TBCE: variants seen among roughly 807,000 people sequenced by gnomAD.
TBCE encodes tubulin folding cofactor E.
In TBCE, 53 loss-of-function variants were observed where a neutral mutation model predicts 77.0. The ratio of observed to expected loss-of-function variants is 0.69; its 90% CI spans 0.55 to 0.87. TBCE has a LOEUF of 0.87. Ranked by LOEUF, TBCE falls within the 40% of genes least tolerant of loss-of-function variation. The probability of loss-of-function intolerance (pLI) is 0.00; values close to 1 mark genes in which losing one functional copy is unlikely to be tolerated. For synonymous variants in TBCE, 235 were observed against 241.3 expected, an observed-to-expected ratio of 0.97 and a Z score of 0.24; for missense variants, 624 against 622.4, an observed-to-expected ratio of 1.00 and a Z score of -0.03.
chr1:235,400,560 C>T (rs990514305), intron 2 of TBCE, among the ~76,000 whole-genome samples: 2 of 151,294 alleles, frequency 1.3e-5, no homozygotes, highest in Non-Finnish European at 2.9e-5. Flanking sequence ...GCCACCGTGC[C>T]TGGCTAATTT....
In TBCE at chr1:235,367,511, T is replaced by C. The variant is rs1024797730; in HGVS notation, c.-32+7T>C. The C allele has an allele frequency of 3.3e-5, 5 of 152,880 alleles. No homozygotes were observed. The highest frequency in any genetic ancestry group is 2.1e-4 in the South Asian group (1 of 4,828). The allele number at this position is 152,880 out of a possible 1,614,324, so 9.5% of individuals were successfully genotyped here. On this transcript the variant is annotated splice_region_variant and intron_variant, in intron 1 of 16. Transcript: ENST00000642610. Reference sequence around the variant, plus strand: ...CTGGAGTCTCCGCGGGCAGGTGAGCTTCAGAGGTTCGGGGAGCTTTCGGAA... The same window carrying C: ...CTGGAGTCTCCGCGGGCAGGTGAGCCTCAGAGGTTCGGGGAGCTTTCGGAA...
chr1:235,387,577 C>T (rs975641118), intron 2 of TBCE, among the ~76,000 whole-genome samples: 1 of 152,202 alleles, frequency 6.6e-6, no homozygotes, highest in Non-Finnish European at 1.5e-5. Context: ...ATCAGTGAGA[C>T]TCCGTAGGTG....
intron 2 of TBCE, among the ~76,000 whole-genome samples, chr1:235,399,248 C>T (rs763430056): frequency 1.3e-5 from 2 of 152,198 alleles, no homozygotes; most frequent in Non-Finnish European, 2.9e-5. Context: ...AGCCACCAAG[C>T]CTAGAGATGA....
intron 1 of TBCE, among the ~76,000 whole-genome samples, chr1:235,379,537 C>T (rs974162611): frequency 6.0e-5 from 9 of 150,556 alleles, no homozygotes; most frequent in Admixed American, 5.3e-4. Context: ...TAAAAAACAA[C>T]AACAAGAACA....
rs1361375419 is a variant in TBCE, at chr1:235,401,551, A to G, written c.149A>G (p.Asp50Gly). 2.5e-6 allele frequency: 4 copies of G among 1,613,796 alleles called. No individual in the cohort carries two copies. The East Asian group carries it at 6.7e-5, about 27-fold the overall frequency. The part of the protein sequence containing the change: ...EWDNPERGKH[D>G]GSHEGTVYFK... The stretch of plus-strand genomic sequence containing the variant: ...GACAATCCCGAGAGAGGAAAGCATG[A>G]TGGGAGCCACGAAGGGACTGTGTAT... The change falls in exon 3 of 17, where the codon GAT (aspartate) becomes GGT (glycine). Residue 50 changes from aspartate to glycine, a missense_variant. Transcript: ENST00000642610.
At position 235,449,886 on chromosome 1, in the gene TBCE, TATAGGTAATGGTGAATTACTAA is replaced by T; in HGVS notation, c.*1125_*1146del. On this transcript the variant is annotated 3_prime_UTR_variant, in exon 17 of 17. Coordinates refer to ENST00000642610, the MANE Select transcript of TBCE (RefSeq NM_003193.5). ...ACTAGGCCAAGTTTTAACCAAAAAC[TATAGGTAATGGTGAATTACTAA>T]TTAGCCACAATGCATCAGGATTTAG... 1 of 212,320 alleles carries T rather than the reference TATAGGTAATGGTGAATTACTAA, an allele frequency of 4.7e-6. No individual in the cohort carries two copies. Among genetic ancestry groups the T allele is most frequent in the Non-Finnish European group, 9.6e-6 (1 of 104,070 alleles). 13.2% of individuals were successfully genotyped at this position (212,320 alleles called of 1,614,324 possible).
At chr1:235,382,536 G>A (rs1297571369) in intron 2 of TBCE, among the ~76,000 whole-genome samples, 2 of 152,144 alleles carry the variant, frequency 1.3e-5, no homozygotes, top group South Asian at 2.1e-4. Context: ...ATCTCATTGA[G>A]GTTTTGATTT....
At chr1:235,438,006 C>T (rs899432205) in intron 12 of TBCE, among the ~76,000 whole-genome samples, 7 of 152,128 alleles carry the variant, frequency 4.6e-5, no homozygotes, top group African/African-American at 1.2e-4. Flanking sequence ...CACCAGGCAC[C>T]GTCTCCATGT....
intron 5 of TBCE, among the ~76,000 whole-genome samples, chr1:235,425,136 T>A (rs968780924): frequency 6.6e-6 from 1 of 152,182 alleles, no homozygotes; most frequent in African/African-American, 2.4e-5. Flanking sequence ...AGCTGCAGCT[T>A]TGATACCTCT....
chr1:235,379,378 CAATT>C (rs1178961072), intron 1 of TBCE, among the ~76,000 whole-genome samples: 2 of 151,832 alleles, frequency 1.3e-5, no homozygotes, highest in African/African-American at 2.4e-5. Flanking sequence ...AAATACAAAA[CAATT>C]AAACAGCATG....
chr1:235,425,108 T>C (rs1321461470), intron 5 of TBCE, among the ~76,000 whole-genome samples: 1 of 152,162 alleles, frequency 6.6e-6, no homozygotes, highest in Non-Finnish European at 1.5e-5. Context: ...GCCTGCCCTC[T>C]TCCACATCTG....
In TBCE at chr1:235,414,461, C is replaced by T. The variant is rs62620041; in HGVS notation, c.214C>T (p.Pro72Ser). 5,163 of 1,613,540 alleles carry T rather than the reference C, an allele frequency of 3.2e-3. 10 individuals are homozygous for T. Among genetic ancestry groups the T allele is most frequent in the Non-Finnish European group, 3.3e-3 (3,952 of 1,179,966 alleles). The change falls in exon 4 of 17, where the codon CCG becomes TCG. Residue 72 changes from proline to serine, a missense_variant. Pro to Ser is a moderately conservative substitution (Grantham distance 74). Coordinates refer to ENST00000642610, the MANE Select transcript of TBCE (RefSeq NM_003193.5). ...RHPTGGSFIR[P>S]NKVNFGTDFL... ...CCCGACAGGAGGATCCTTTATTCGT[C>T]CGAACAAGGTAAATTTTGGAACAGA...
At chr1:235,369,026 C>G (rs1329319051) in intron 1 of TBCE, among the ~76,000 whole-genome samples, 38 of 152,192 alleles carry the variant, frequency 2.5e-4, no homozygotes, top group Non-Finnish European at 1.2e-4. Flanking sequence ...TCCACACTCC[C>G]AGGCTCTTGT....
intron 7 of TBCE, among the ~76,000 whole-genome samples, chr1:235,431,117 G>A (rs1054081014): frequency 3.9e-5 from 6 of 152,066 alleles, no homozygotes; most frequent in Non-Finnish European, 7.3e-5. Flanking sequence ...CCGTAGTGTT[G>A]GCTATTGACT....
At chr1:235,385,335 G>A (rs533898624) in intron 2 of TBCE, among the ~76,000 whole-genome samples, 7 of 152,072 alleles carry the variant, frequency 4.6e-5, no homozygotes, top group South Asian at 4.2e-4. Context: ...TATTACGTCC[G>A]CTTGGTGCAG....
intron 2 of TBCE, among the ~76,000 whole-genome samples, chr1:235,385,725 T>C (rs1412653507): frequency 1.3e-5 from 2 of 152,190 alleles, no homozygotes; most frequent in African/African-American, 4.8e-5. Context: ...GCCTGTGAGA[T>C]GGGTTTCCTG....
At chr1:235,425,032 G>A (rs1472314926) in intron 5 of TBCE, among the ~76,000 whole-genome samples, 1 of 152,160 alleles carries the variant, frequency 6.6e-6, no homozygotes, top group Non-Finnish European at 1.5e-5. Flanking sequence ...TGTACCCCAA[G>A]GCTCAGACTT....
intron 12 of TBCE, 146 bp from the exon 13 acceptor site, chr1:235,438,622 TA>T: frequency 1.1e-6 from 1 of 903,054 alleles, no homozygotes; most frequent in Non-Finnish European, 1.7e-6. Context: ...CTGTCAATGT[TA>T]AAAAGAAGGG....
chr1:235,390,488 A>G (rs969885593), intron 2 of TBCE, among the ~76,000 whole-genome samples: 2 of 152,206 alleles, frequency 1.3e-5, no homozygotes, highest in African/African-American at 2.4e-5. Context: ...GCAGTGGCTC[A>G]CACCTGTAGT....
Sources: allele counts gnomAD v4.1 joint callset (sites outside exome capture counted in the v4.1 genomes callset), GRCh38; gene constraint gnomAD v4.1.1; transcripts MANE v1.5; gene names NCBI Gene and HGNC (gene_info 2026-07-23, HGNC 2026-07-21).